ESRRG: variants seen among roughly 807,000 people sequenced by gnomAD.
ESRRG encodes estrogen related receptor gamma, also known as estrogen-related receptor gamma.
In ESRRG, 13 loss-of-function variants were observed where a neutral mutation model predicts 44.0. That is an observed-to-expected ratio of 0.30 (90% CI 0.19 to 0.47). The LOEUF (loss-of-function observed/expected upper bound fraction) is 0.47, where lower values mean the gene tolerates loss of function less well. ESRRG is among the 20% of genes least tolerant of loss of function. The probability of loss-of-function intolerance (pLI) is 1.00; values close to 1 mark genes in which losing one functional copy is unlikely to be tolerated. For missense variants in ESRRG, 395 were observed against 580.6 expected (o/e 0.68, Z 3.29); for synonymous variants, 215 against 214.6 (o/e 1.00, Z -0.02).
At chr1:216,857,246 T>C (rs1170391597) in intron 2 of ESRRG, among the ~76,000 whole-genome samples, 1 of 151,832 alleles carries the variant, frequency 6.6e-6, no homozygotes, top group East Asian at 1.9e-4. Flanking sequence ...AACCTAAAAA[T>C]GACAATCTGC....
chr1:216,571,990 G>A (rs766317706), intron 3 of ESRRG, among the ~76,000 whole-genome samples: 7 of 151,990 alleles, frequency 4.6e-5, no homozygotes, highest in African/African-American at 1.7e-4. Flanking sequence ...ACTGATACTC[G>A]TGATTTTTCA....
At chr1:216,673,373 A>G (rs1350897064) in intron 2 of ESRRG, among the ~76,000 whole-genome samples, 1 of 152,324 alleles carries the variant, frequency 6.6e-6, no homozygotes, top group South Asian at 2.1e-4. Context: ...TGAGCACCAC[A>G]GTGTGATGTC....
Position 216,967,946 on chromosome 1 carries a change from T to A in ESRRG, c.-105-28273A>T, listed in dbSNP as rs188011366. 2.6e-4 allele frequency among the ~76,000 whole-genome samples: 39 copies of A among 152,324 alleles called. No individual in the cohort carries two copies. In the South Asian group the frequency reaches 7.7e-3, roughly 30 times the overall value. ...TGGATTTTGGCCATTCAAATAAGTG[T>A]ACAGTGGTATTTCATTGTTGTTTTA... is the stretch of plus-strand genomic sequence containing the variant. On this transcript the variant is annotated intron_variant, in intron 1 of 7. Transcript: ENST00000359162.
intron 2 of ESRRG, among the ~76,000 whole-genome samples, chr1:216,895,727 C>A (rs973338457): frequency 1.3e-5 from 2 of 152,106 alleles, no homozygotes; most frequent in African/African-American, 4.8e-5. Context: ...ATGTGAGTTA[C>A]AGGACAAGGG....
chr1:216,658,723 C>T (rs952583254), intron 2 of ESRRG, among the ~76,000 whole-genome samples: 3 of 151,288 alleles, frequency 2.0e-5, no homozygotes, highest in Non-Finnish European at 4.4e-5. Flanking sequence ...ATCCCAGCTA[C>T]TCAGGAGGCT....
intron 2 of ESRRG, among the ~76,000 whole-genome samples, chr1:216,820,502 T>C (rs957864163): frequency 2.2e-4 from 33 of 152,222 alleles, no homozygotes; most frequent in African/African-American, 7.7e-4. Context: ...ATCTACGACA[T>C]GATATCATCT....
chr1:216,558,003 C>T (rs145314728), intron 5 of ESRRG, among the ~76,000 whole-genome samples: 172 of 152,142 alleles, frequency 1.1e-3, no homozygotes, highest in African/African-American at 3.9e-3. Flanking sequence ...AATGCTGGAA[C>T]GGAGACACAT....
intron 3 of ESRRG, among the ~76,000 whole-genome samples, chr1:216,571,398 G>T (rs1227609746): frequency 1.3e-5 from 2 of 152,008 alleles, no homozygotes; most frequent in South Asian, 4.1e-4. Context: ...AACCAAGATC[G>T]CACCATTGCA....
At chr1:216,679,290 G>C (rs1172776539) in intron 1 of ESRRG, among the ~76,000 whole-genome samples, 1 of 152,150 alleles carries the variant, frequency 6.6e-6, no homozygotes, top group South Asian at 2.1e-4. Flanking sequence ...GTTAATGAAC[G>C]TTGTAATTAA....
At chr1:216,981,639 T>A (rs2073991924) in intron 1 of ESRRG, among the ~76,000 whole-genome samples, 1 of 152,162 alleles carries the variant, frequency 6.6e-6, no homozygotes, top group Admixed American at 6.6e-5. Context: ...TTCAAATAGT[T>A]ACTTATGCTA....
intron 2 of ESRRG, among the ~76,000 whole-genome samples, chr1:216,728,678 CA>C (rs948262278): frequency 4.6e-5 from 7 of 150,716 alleles, no homozygotes; most frequent in African/African-American, 1.2e-4. Context: ...CATAAAACAT[CA>C]AAAAAAAGCA....
intron 1 of ESRRG, among the ~76,000 whole-genome samples, chr1:217,041,126 C>T (rs1236322189): frequency 1.3e-5 from 2 of 152,058 alleles, no homozygotes; most frequent in African/African-American, 4.8e-5. Flanking sequence ...GAATTTTAAA[C>T]TAAGCATGAA....
intron 1 of ESRRG, among the ~76,000 whole-genome samples, chr1:216,954,258 A>G (rs1311083837): frequency 6.6e-6 from 1 of 152,096 alleles, no homozygotes; most frequent in Non-Finnish European, 1.5e-5. Context: ...ATAACTCAAC[A>G]TATTAAAAAA....
intron 5 of ESRRG, among the ~76,000 whole-genome samples, chr1:216,525,798 T>C (rs2047483469): frequency 6.6e-6 from 1 of 152,172 alleles, no homozygotes; most frequent in African/African-American, 2.4e-5. Context: ...TGAATCTGAC[T>C]TGCTTTACCA....
intron 2 of ESRRG, among the ~76,000 whole-genome samples, chr1:216,731,364 G>C (rs530817356): frequency 8.5e-5 from 13 of 152,244 alleles, no homozygotes; most frequent in African/African-American, 2.9e-4. Flanking sequence ...CCTCTTATGG[G>C]GAGAGGAAGA....
chr1:216,709,838 A>AT (rs1054032081), intron 1 of ESRRG, among the ~76,000 whole-genome samples: 4 of 151,944 alleles, frequency 2.6e-5, no homozygotes, highest in East Asian at 1.9e-4. Context: ...CGAAACAATA[A>AT]TTTTTTTTAG....
chr1:216,868,422 T>C (rs148701466), intron 2 of ESRRG, among the ~76,000 whole-genome samples: 45 of 152,276 alleles, frequency 3.0e-4, no homozygotes, highest in African/African-American at 1.0e-3. Flanking sequence ...TGCTGAGTAG[T>C]GTTTCATTGG....
chr1:216,744,129 G>C (rs903904087), intron 2 of ESRRG, among the ~76,000 whole-genome samples: 4 of 152,130 alleles, frequency 2.6e-5, no homozygotes, highest in Non-Finnish European at 5.9e-5. Context: ...AAGCCATAGA[G>C]TTCAGTCTTG....
intron 3 of ESRRG, among the ~76,000 whole-genome samples, chr1:216,624,886 T>G (rs543767366): frequency 3.3e-5 from 5 of 152,168 alleles, no homozygotes; most frequent in Non-Finnish European, 7.4e-5. Context: ...AAATTACTAT[T>G]TCTTCTCATC....
Sources: allele counts gnomAD v4.1 joint callset (sites outside exome capture counted in the v4.1 genomes callset), GRCh38; gene constraint gnomAD v4.1.1; transcripts MANE v1.5; gene names NCBI Gene and HGNC (gene_info 2026-07-23, HGNC 2026-07-21).